PAM: variants seen among roughly 807,000 people sequenced by gnomAD.
PAM encodes peptidyl-glycine alpha-amidating monooxygenase.
Under a neutral mutation model 122.1 loss-of-function variants are expected in PAM, and 72 were observed. The ratio of observed to expected loss-of-function variants is 0.59; its 90% CI spans 0.49 to 0.72. The LOEUF is 0.72. PAM is among the 30% of genes least tolerant of loss of function. PAM has a pLI of 0.00. For missense variants in PAM, 1,106 were observed against 1,183.7 expected (o/e 0.93, Z 0.96); for synonymous variants, 389 against 404.4 (o/e 0.96, Z 0.46).
chr5:102,874,468 TG>T (rs1024090869), intron 3 of PAM, among the ~76,000 whole-genome samples: 4 of 148,508 alleles, frequency 2.7e-5, no homozygotes, highest in Non-Finnish European at 5.9e-5. Context: ...CTATTAACAA[TG>T]TTTTTTTTTA....
intron 1 of PAM, among the ~76,000 whole-genome samples, chr5:102,763,573 T>C (rs1753025655): frequency 6.6e-6 from 1 of 152,210 alleles, no homozygotes; most frequent in South Asian, 2.1e-4. Context: ...AGTAGAATTT[T>C]GTGGGCTTAT....
At chr5:102,840,644 A>C (rs891033693) in intron 1 of PAM, among the ~76,000 whole-genome samples, 2 of 152,172 alleles carry the variant, frequency 1.3e-5, no homozygotes, top group Non-Finnish European at 2.9e-5. Flanking sequence ...AAGGTGATAT[A>C]TTTTCCATAT....
At chr5:102,939,443 A>G (rs1754355988) in intron 7 of PAM, among the ~76,000 whole-genome samples, 1 of 152,170 alleles carries the variant, frequency 6.6e-6, no homozygotes, top group Non-Finnish European at 1.5e-5. Context: ...ACTGAAAGTA[A>G]AGTAAAATCT....
At chr5:102,777,535 GA>G (rs551081582) in intron 1 of PAM, among the ~76,000 whole-genome samples, 1 of 151,484 alleles carries the variant, frequency 6.6e-6, no homozygotes, top group East Asian at 1.9e-4. Flanking sequence ...GGAGTTTCTG[GA>G]AAAAAAAGAC....
At chr5:102,793,481 G>T (rs1762575591) in intron 1 of PAM, among the ~76,000 whole-genome samples, 1 of 152,178 alleles carries the variant, frequency 6.6e-6, no homozygotes, top group Non-Finnish European at 1.5e-5. Context: ...CAGTGAGCCT[G>T]ATCGCACCAC....
chr5:102,839,429 C>T (rs549976254), intron 1 of PAM, among the ~76,000 whole-genome samples: 5 of 150,666 alleles, frequency 3.3e-5, no homozygotes, highest in Admixed American at 1.3e-4. Context: ...CCCAGCTACT[C>T]GGGAGGCTGA....
At chr5:102,849,308 G>A (rs1387304299) in intron 1 of PAM, among the ~76,000 whole-genome samples, 2 of 152,156 alleles carry the variant, frequency 1.3e-5, no homozygotes, top group African/African-American at 2.4e-5. Context: ...TGTAATCCCA[G>A]CACTTTTTGG....
intron 7 of PAM, among the ~76,000 whole-genome samples, chr5:102,936,888 G>A (rs1753439750): frequency 6.6e-6 from 1 of 152,018 alleles, no homozygotes; most frequent in Non-Finnish European, 1.5e-5. Flanking sequence ...AAGGATTAAA[G>A]TCACTCCTGC....
chr5:102,783,230 C>CAA (rs11329964), intron 1 of PAM, among the ~76,000 whole-genome samples: 30 of 122,270 alleles, frequency 2.5e-4, no homozygotes, highest in African/African-American at 5.7e-4. Flanking sequence ...CCAGATTTAG[C>CAA]AAAAAAAAAA....
At chr5:102,833,499 G>T (rs1776026189) in intron 1 of PAM, among the ~76,000 whole-genome samples, 1 of 152,122 alleles carries the variant, frequency 6.6e-6, no homozygotes, top group Admixed American at 6.6e-5. Flanking sequence ...AGAACACGTT[G>T]TGGGGATCAG....
intron 1 of PAM, among the ~76,000 whole-genome samples, chr5:102,844,883 G>C (rs1779583570): frequency 6.6e-6 from 1 of 152,136 alleles, no homozygotes; most frequent in Non-Finnish European, 1.5e-5. Flanking sequence ...CTCTTGAAGT[G>C]AACAGGAGTA....
intron 4 of PAM, among the ~76,000 whole-genome samples, chr5:102,905,896 T>C (rs1799396741): frequency 6.6e-6 from 1 of 151,666 alleles, no homozygotes; most frequent in Non-Finnish European, 1.5e-5. Flanking sequence ...TGGAAAACAC[T>C]TAGTTTCTTA....
At chr5:102,984,363 A>G (rs1771011628) in intron 15 of PAM, among the ~76,000 whole-genome samples, 1 of 152,236 alleles carries the variant, frequency 6.6e-6, no homozygotes, top group South Asian at 2.1e-4. Context: ...GTAAAGACGC[A>G]TAAAGACTGA....
chr5:102,784,738 A>G (rs1019732078), intron 1 of PAM, among the ~76,000 whole-genome samples: 1 of 152,216 alleles, frequency 6.6e-6, no homozygotes, highest in South Asian at 2.1e-4. Flanking sequence ...ACTGGCGGGC[A>G]TTTACTATAT....
chr5:102,875,176 C>T (rs757205885), intron 3 of PAM, among the ~76,000 whole-genome samples: 1 of 148,546 alleles, frequency 6.7e-6, no homozygotes, highest in African/African-American at 2.6e-5. Context: ...CTGGCTTCAT[C>T]CTAAATTATT....
intron 1 of PAM, among the ~76,000 whole-genome samples, chr5:102,844,352 C>T (rs1362325517): frequency 6.6e-6 from 1 of 152,118 alleles, no homozygotes; most frequent in Non-Finnish European, 1.5e-5. Context: ...TGTGGGATCT[C>T]TCTGTACTAT....
chr5:102,787,947 A>C (rs1760991452), intron 1 of PAM, among the ~76,000 whole-genome samples: 1 of 152,132 alleles, frequency 6.6e-6, no homozygotes, highest in South Asian at 2.1e-4. Flanking sequence ...CAAATTTGGC[A>C]AAATAGATCA....
At chr5:102,965,268 A>G (rs1346529204) in intron 14 of PAM, among the ~76,000 whole-genome samples, 1 of 151,470 alleles carries the variant, frequency 6.6e-6, no homozygotes, top group Non-Finnish European at 1.5e-5. Context: ...TTTCTTATGC[A>G]TTATAATTTC....
chr5:102,982,271 T>C (rs914044094), intron 15 of PAM, among the ~76,000 whole-genome samples: 2 of 152,162 alleles, frequency 1.3e-5, no homozygotes, highest in African/African-American at 4.8e-5. Flanking sequence ...TCCAGCCCAC[T>C]ACCACCACTG....
Sources: allele counts gnomAD v4.1 joint callset (sites outside exome capture counted in the v4.1 genomes callset), GRCh38; gene constraint gnomAD v4.1.1; transcripts MANE v1.5; gene names NCBI Gene and HGNC (gene_info 2026-07-23, HGNC 2026-07-21).